SLC25A13: variants seen among roughly 807,000 people sequenced by gnomAD.
The protein encoded by SLC25A13 is solute carrier family 25 member 13, also known as electrogenic aspartate/glutamate antiporter SLC25A13, mitochondrial.
Under a neutral mutation model 85.5 loss-of-function variants are expected in SLC25A13, and 70 were observed. The ratio of observed to expected loss-of-function variants is 0.82; its 90% CI spans 0.68 to 1.00. The LOEUF is 1.00. Among genes scored for constraint, SLC25A13 ranks in the 50% least tolerant of loss-of-function variants. The probability of loss-of-function intolerance (pLI) is 0.00; values close to 1 mark genes in which losing one functional copy is unlikely to be tolerated. For synonymous variants in SLC25A13, 259 were observed against 288.7 expected (o/e 0.90, Z 1.04); for missense variants, 765 against 819.8 (o/e 0.93, Z 0.82).
At chr7:96,122,824 C>T (rs373676120) in intron 15 of SLC25A13, among the ~76,000 whole-genome samples, 4 of 152,196 alleles carry the variant, frequency 2.6e-5, no homozygotes, top group African/African-American at 4.8e-5. Context: ...TTTTTAAAAG[C>T]GAGACTGTAC....
At chr7:96,215,126 T>C (rs1241159119) in intron 4 of SLC25A13, among the ~76,000 whole-genome samples, 4 of 152,004 alleles carry the variant, frequency 2.6e-5, no homozygotes, top group African/African-American at 4.8e-5. Flanking sequence ...ACAGATGGAG[T>C]CTTGCTCTGT....
chr7:96,192,450 C>T (rs889621331), intron 6 of SLC25A13, among the ~76,000 whole-genome samples: 3 of 152,092 alleles, frequency 2.0e-5, no homozygotes, highest in East Asian at 1.9e-4. Flanking sequence ...GATTCTGGTG[C>T]TCCACGAGCA....
chr7:96,248,836 G>A (rs1249127257), intron 3 of SLC25A13, among the ~76,000 whole-genome samples: 3 of 152,134 alleles, frequency 2.0e-5, no homozygotes, highest in Non-Finnish European at 4.4e-5. Context: ...CTGCTATCAG[G>A]AGAAATTAAA....
intron 14 of SLC25A13, among the ~76,000 whole-genome samples, chr7:96,140,618 T>A (rs569564047): frequency 6.6e-6 from 1 of 151,898 alleles, no homozygotes; most frequent in African/African-American, 2.4e-5. Context: ...TTAGCCAGGA[T>A]GGTCTTGATC....
intron 4 of SLC25A13, among the ~76,000 whole-genome samples, chr7:96,226,579 C>G (rs1313751061): frequency 6.6e-6 from 1 of 151,628 alleles, no homozygotes; most frequent in Non-Finnish European, 1.5e-5. Context: ...CTATTTTCCA[C>G]AGGGACTGCA....
At chr7:96,131,972 T>C in intron 14 of SLC25A13, 91 bp from the exon 15 acceptor site, 1 of 1,575,626 alleles carries the variant, frequency 6.3e-7, no homozygotes, top group Non-Finnish European at 8.7e-7. Flanking sequence ...GAACAAAATA[T>C]TCCTGGAGAA....
intron 14 of SLC25A13, among the ~76,000 whole-genome samples, chr7:96,134,909 GT>G (rs1193326319): frequency 6.6e-6 from 1 of 151,244 alleles, no homozygotes; most frequent in African/African-American, 2.4e-5. Context: ...TGGTCAAAGT[GT>G]TTATGCAGAC....
chr7:96,290,866 TCAA>T (rs1293747780), intron 2 of SLC25A13, among the ~76,000 whole-genome samples: 4 of 152,108 alleles, frequency 2.6e-5, no homozygotes, highest in Non-Finnish European at 5.9e-5. Flanking sequence ...ATTAGACAGA[TCAA>T]CGAGACAGAA....
chr7:96,178,457 C>T (rs763680754), intron 11 of SLC25A13, among the ~76,000 whole-genome samples: 7 of 152,082 alleles, frequency 4.6e-5, no homozygotes, highest in Admixed American at 1.3e-4. Flanking sequence ...AGGGCAGAGA[C>T]GAGCAGTAAA....
chr7:96,228,881 C>A (rs1796418202), intron 4 of SLC25A13, among the ~76,000 whole-genome samples: 1 of 152,110 alleles, frequency 6.6e-6, no homozygotes, highest in Non-Finnish European at 1.5e-5. Flanking sequence ...GTGCTGGGTC[C>A]CCCAGCACTC....
chr7:96,226,929 C>A (rs888921747), intron 4 of SLC25A13, among the ~76,000 whole-genome samples: 1 of 152,084 alleles, frequency 6.6e-6, no homozygotes, highest in South Asian at 2.1e-4. Flanking sequence ...AATACCCCTC[C>A]CATCCACTAT....
In SLC25A13 at chr7:96,130,204, A is replaced by C. The variant is rs538093076; in HGVS notation, c.1591+1539T>G. On this transcript the variant is annotated intron_variant, in intron 15 of 17. Transcript: ENST00000265631. The stretch of plus-strand genomic sequence containing the variant: ...GGGTACCTGTCTTCTCCAAGAAAAG[A>C]GTTAAAGATGGTATTTTTATGGTGT... Among the ~76,000 whole-genome samples, 193 of 152,304 alleles carry C rather than the reference A, an allele frequency of 1.3e-3. 3 individuals are homozygous for C. Among genetic ancestry groups the C allele is most frequent in the Middle Eastern group, 3.4e-3 (1 of 294 alleles).
chr7:96,131,946 T>C, intron 14 of SLC25A13, 65 bp from the exon 15 acceptor site: 1 of 1,607,088 alleles, frequency 6.2e-7, no homozygotes, highest in African/African-American at 1.3e-5. Flanking sequence ...ATCAAGCTTC[T>C]CTGGAACTCA....
intron 2 of SLC25A13, among the ~76,000 whole-genome samples, chr7:96,278,578 G>A (rs942857713): frequency 3.9e-5 from 6 of 152,146 alleles, no homozygotes; most frequent in African/African-American, 1.4e-4. Context: ...TTTGCAAAAT[G>A]AATAGAATAA....
At chr7:96,189,210 C>T (rs1794747285) in intron 9 of SLC25A13, 84 bp downstream of exon 9, 3 of 1,174,186 alleles carry the variant, frequency 2.6e-6, no homozygotes, top group South Asian at 2.6e-5. Flanking sequence ...GATACCAATG[C>T]CGCAAAGGCA....
chr7:96,274,413 T>C lies in SLC25A13; in HGVS notation c.212+2783A>G, dbSNP rs187200516. ...ATTGTAGATTCTGGATATTAGCCCTTTGTCAGATGAGTAGATTGAAAAAAT... is the reference window on the plus strand; with the variant it reads ...ATTGTAGATTCTGGATATTAGCCCTCTGTCAGATGAGTAGATTGAAAAAAT... On this transcript the variant is annotated intron_variant, in intron 3 of 17. Coordinates refer to ENST00000265631, the MANE Select transcript of SLC25A13 (RefSeq NM_014251.3). 3.3e-3 allele frequency among the ~76,000 whole-genome samples: 501 copies of C among 152,278 alleles called. 1 individual carries two copies. The highest frequency in any genetic ancestry group is 0.011 in the African/African-American group (467 of 41,570).
intron 11 of SLC25A13, among the ~76,000 whole-genome samples, chr7:96,172,671 A>G (rs963649168): frequency 1.3e-5 from 2 of 152,034 alleles, no homozygotes; most frequent in African/African-American, 4.8e-5. Context: ...CATCTGCTCT[A>G]TTGCATGAGG....
intron 11 of SLC25A13, among the ~76,000 whole-genome samples, chr7:96,180,351 T>C (rs1482031087): frequency 3.3e-5 from 5 of 152,184 alleles, no homozygotes; most frequent in Non-Finnish European, 5.9e-5. Context: ...TCTTTTTTTT[T>C]CTAAATTGAG....
At chr7:96,215,841 C>T (rs185734342) in intron 4 of SLC25A13, among the ~76,000 whole-genome samples, 1 of 152,108 alleles carries the variant, frequency 6.6e-6, no homozygotes, top group Non-Finnish European at 1.5e-5. Flanking sequence ...AAACTTTATA[C>T]TCCAAGGATA....
Sources: gnomAD v4.1 joint callset for allele counts (sites outside exome capture counted in the v4.1 genomes callset) on GRCh38, gnomAD v4.1.1 for gene constraint, MANE v1.5 for transcripts, NCBI Gene and HGNC (gene_info 2026-07-23, HGNC 2026-07-21) for gene names.